The following IL1RAPL2 variants were observed in gnomAD, a reference collection of about 807,000 sequenced individuals.
IL1RAPL2 encodes X-linked interleukin-1 receptor accessory protein-like 2.
In IL1RAPL2, 3 loss-of-function variants were observed where a neutral mutation model predicts 44.1. The observed-to-expected ratio is 0.07, with a 90% CI of 0.03 to 0.18. The LOEUF is 0.18. Ranked by LOEUF, IL1RAPL2 falls within the 10% of genes least tolerant of loss-of-function variation. IL1RAPL2 has a pLI of 1.00. For missense variants in IL1RAPL2, 391 were observed against 496.4 expected, an observed-to-expected ratio of 0.79 and a Z score of 2.02; for synonymous variants, 181 against 178.8, an observed-to-expected ratio of 1.01 and a Z score of -0.10.
chrX:104,585,180 CACAT>C (rs760679701), intron 1 of IL1RAPL2, among the ~76,000 whole-genome samples: 2 of 63,020 alleles, frequency 3.2e-5, no homozygotes, highest in South Asian at 6.6e-4. Context: ...TATATATACA[CACAT>C]ACACACATGT....
rs774734726 is a variant in IL1RAPL2, at chrX:105,616,149, C to A, written c.773-101218C>A. 2.7e-5 allele frequency among the ~76,000 whole-genome samples: 3 copies of A among 111,755 alleles called. No individual in the cohort carries two copies. The South Asian group carries it at 1.1e-3, about 42-fold the overall frequency. ...ATTCTTAAGAAATACATACTAAAGT[C>A]TTTAGGAGCTAAAAGCCTTGGTGAA... On this transcript the variant is annotated intron_variant, in intron 6 of 10. Coordinates refer to ENST00000372582, the MANE Select transcript of IL1RAPL2 (RefSeq NM_017416.2).
At chrX:105,349,201 T>G (rs1196266150) in intron 5 of IL1RAPL2, among the ~76,000 whole-genome samples, 1 of 111,934 alleles carries the variant, frequency 8.9e-6, no homozygotes, top group African/African-American at 3.2e-5. Context: ...TGACATGCAG[T>G]TGTCCACAGC....
intron 2 of IL1RAPL2, among the ~76,000 whole-genome samples, chrX:104,919,262 G>A (rs780929413): frequency 9.8e-6 from 1 of 101,538 alleles, no homozygotes; most frequent in South Asian, 4.5e-4. Context: ...TTTCGCTGTT[G>A]TCGCCCAGGC....
rs185016976 is a variant in IL1RAPL2 at position 105,502,204 on chromosome X, C to G, written c.772+17817C>G. 3.3e-3 allele frequency among the ~76,000 whole-genome samples: 368 copies of G among 112,304 alleles called. 1 individual carries two copies. The highest frequency in any genetic ancestry group is 4.2e-3 in the Non-Finnish European group (223 of 53,228). On this transcript the variant is annotated intron_variant, in intron 6 of 10. Coordinates refer to ENST00000372582, the MANE Select transcript of IL1RAPL2 (RefSeq NM_017416.2). The stretch of plus-strand genomic sequence containing the variant: ...CCCTTTATGCTGAACTATAATCTCA[C>G]TCTTGTGGCAAGACAGAGTAAACCT...
At chrX:105,702,107 G>A (rs2038124123) in intron 6 of IL1RAPL2, among the ~76,000 whole-genome samples, 1 of 111,335 alleles carries the variant, frequency 9.0e-6, no homozygotes, top group Non-Finnish European at 1.9e-5. Flanking sequence ...GGGGATTCTG[G>A]GATGGCAAAG....
chrX:105,500,880 A>T (rs1042422642), intron 6 of IL1RAPL2, among the ~76,000 whole-genome samples: 2 of 111,673 alleles, frequency 1.8e-5, no homozygotes, highest in Admixed American at 9.5e-5. Context: ...TGAGTTTATC[A>T]TCACTTCCCA....
Position 105,518,407 on chromosome X carries a change from G to A in IL1RAPL2, c.772+34020G>A, listed in dbSNP as rs2036531423. Reference sequence around the variant, plus strand: ...TTTAAAAGAGCTCCACAAATGAGAAGGCATTCAATCATCAGTCCAAAGAAA... The same window carrying A: ...TTTAAAAGAGCTCCACAAATGAGAAAGCATTCAATCATCAGTCCAAAGAAA... On this transcript the variant is annotated intron_variant, in intron 6 of 10. Coordinates refer to ENST00000372582, the MANE Select transcript of IL1RAPL2 (RefSeq NM_017416.2). 2.7e-5 allele frequency among the ~76,000 whole-genome samples: 3 copies of A among 110,559 alleles called. No homozygotes were observed. In the South Asian group the frequency reaches 1.1e-3, roughly 42 times the overall value.
intron 4 of IL1RAPL2, among the ~76,000 whole-genome samples, chrX:105,266,145 G>C (rs1275646785): frequency 1.8e-5 from 2 of 109,833 alleles, no homozygotes; most frequent in African/African-American, 6.6e-5. Context: ...GGATTCAAGA[G>C]ATTCTTCTGC....
At chrX:105,037,627 T>C (rs2031653067) in intron 2 of IL1RAPL2, among the ~76,000 whole-genome samples, 1 of 111,882 alleles carries the variant, frequency 8.9e-6, no homozygotes, top group East Asian at 2.8e-4. Context: ...CCTATTACAA[T>C]GGCTGAAGAA....
At chrX:105,369,592 A>G (rs2035322167) in intron 5 of IL1RAPL2, among the ~76,000 whole-genome samples, 1 of 111,365 alleles carries the variant, frequency 9.0e-6, no homozygotes. Flanking sequence ...GAGACATATG[A>G]CTGTATTCTT....
chrX:105,601,668 ACT>A (rs779112605), intron 6 of IL1RAPL2, among the ~76,000 whole-genome samples: 25 of 110,987 alleles, frequency 2.3e-4, no homozygotes, highest in Non-Finnish European at 3.6e-4. Flanking sequence ...TCAGGGAAGG[ACT>A]TCACATTAAG....
intron 1 of IL1RAPL2, among the ~76,000 whole-genome samples, chrX:104,580,187 A>C (rs896459968): frequency 1.5e-4 from 17 of 112,272 alleles, no homozygotes; most frequent in African/African-American, 5.2e-4. Flanking sequence ...TTGTCCTGCC[A>C]TTGGTCCATT....
intron 2 of IL1RAPL2, among the ~76,000 whole-genome samples, chrX:105,092,819 G>T (rs950712059): frequency 9.0e-6 from 1 of 110,948 alleles, no homozygotes; most frequent in Non-Finnish European, 1.9e-5. Flanking sequence ...ACCCTAGTCA[G>T]CCTCCCTCTA....
chrX:104,630,747 G>A (rs1024910999), intron 1 of IL1RAPL2, among the ~76,000 whole-genome samples: 3 of 110,985 alleles, frequency 2.7e-5, no homozygotes, highest in Non-Finnish European at 5.7e-5. Context: ...TTTGGGTACT[G>A]TGGTCATTTT....
At chrX:104,962,433 A>G (rs1159825892) in intron 2 of IL1RAPL2, among the ~76,000 whole-genome samples, 3 of 110,949 alleles carry the variant, frequency 2.7e-5, no homozygotes, top group Admixed American at 9.6e-5. Context: ...CTGGCAAGAG[A>G]AAAAAAAATC....
At chrX:104,898,577 T>C (rs1023777804) in intron 2 of IL1RAPL2, among the ~76,000 whole-genome samples, 4 of 112,689 alleles carry the variant, frequency 3.5e-5, no homozygotes, top group Non-Finnish European at 5.6e-5. Flanking sequence ...TTCACTGATA[T>C]CTCCTTAACT....
chrX:104,644,361 C>T (rs1186422316), intron 1 of IL1RAPL2, among the ~76,000 whole-genome samples: 1 of 111,277 alleles, frequency 9.0e-6, no homozygotes, highest in Admixed American at 9.6e-5. Flanking sequence ...CCAACTCTTC[C>T]TTTTCTACAG....
At chrX:105,110,877 T>C (rs1203891746) in intron 2 of IL1RAPL2, among the ~76,000 whole-genome samples, 3 of 111,280 alleles carry the variant, frequency 2.7e-5, no homozygotes, top group Non-Finnish European at 5.7e-5. Context: ...ACAGAGGTTG[T>C]GGTGAGCCAA....
chrX:104,585,265 A>ATATATTATATTATATAATATATATATT (rs1491551706), intron 1 of IL1RAPL2, among the ~76,000 whole-genome samples: 5 of 24,497 alleles, frequency 2.0e-4, no homozygotes, highest in Admixed American at 8.4e-4. Context: ...ATATATATAT[A>ATATATTATATTATATAATATATATATT]ATATATTATA....
Sources: allele counts gnomAD v4.1 joint callset (sites outside exome capture counted in the v4.1 genomes callset), GRCh38; gene constraint gnomAD v4.1.1; transcripts MANE v1.5; gene names NCBI Gene and HGNC (gene_info 2026-07-23, HGNC 2026-07-21).